PCID2: variants seen among roughly 807,000 people sequenced by gnomAD.
PCID2 encodes PCI domain containing 2.
In PCID2, 41 loss-of-function variants were observed where a neutral mutation model predicts 61.3. The observed-to-expected ratio is 0.67, with a 90% CI of 0.52 to 0.87. PCID2 has a LOEUF of 0.87. PCID2 is among the 40% of genes least tolerant of loss of function. The pLI, the probability that PCID2 is intolerant of heterozygous loss-of-function variation, is 0.00. For missense variants in PCID2, 392 were observed against 493.4 expected (o/e 0.79, Z 1.95); for synonymous variants, 187 against 177.8 (o/e 1.05, Z -0.41).
At chr13:113,170,834 A>G in the PCID2 span, among the ~76,000 whole-genome samples, 1 of 151,984 alleles carries the variant, frequency 6.6e-6, no homozygotes, top group African/African-American at 2.4e-5. Context: ...ATAATTGGCT[A>G]AAAATCGGAA....
intron 13 of PCID2, among the ~76,000 whole-genome samples, chr13:113,178,738 G>A (rs1370597411): frequency 6.6e-6 from 1 of 152,178 alleles, no homozygotes; most frequent in African/African-American, 2.4e-5. Context: ...AGAATCGACA[G>A]ATACCGAGGG....
chr13:113,171,482 T>A, the PCID2 span: 1 of 1,372,252 alleles, frequency 7.3e-7, no homozygotes, highest in Non-Finnish European at 1.0e-6. This position sits in a 1 kb window ranked among gnomAD's most constrained non-coding sequence, Gnocchi z 5.1. Context: ...AGCCTGCGGG[T>A]CCTCCAGGGC....
Position 113,198,238 on chromosome 13 carries a change from T to C in PCID2, c.153A>G (p.Gln51=), listed in dbSNP as rs149143185. Residue 51 remains glutamine, a synonymous_variant, in exon 3 of 14, where the codon CAA becomes CAG. Coordinates refer to ENST00000337344, the MANE Select transcript of PCID2 (RefSeq NM_001127202.4). Reference sequence around the variant, plus strand: ...CATCATAAGGGGGTTCCAAGACTTGTTGACACTTCTCCTCTGGAGAGGCCA... The same window carrying C: ...CATCATAAGGGGGTTCCAAGACTTGCTGACACTTCTCCTCTGGAGAGGCCA... ...LQMASPEEKC[Q]QVLEPPYDEM... 3,677 of 1,609,558 alleles carry C rather than the reference T, an allele frequency of 2.3e-3. 22 individuals are homozygous for C. Among genetic ancestry groups the C allele is most frequent in the South Asian group, 8.7e-3 (780 of 89,846 alleles).
chr13:113,199,415 C>T (rs1450028461), intron 2 of PCID2, among the ~76,000 whole-genome samples: 2 of 152,198 alleles, frequency 1.3e-5, no homozygotes, highest in Non-Finnish European at 2.9e-5. Flanking sequence ...GGATTATAAG[C>T]ACACTGCGTT....
At chr13:113,205,891 T>C (rs369729408) in intron 1 of PCID2, among the ~76,000 whole-genome samples, 1 of 152,246 alleles carries the variant, frequency 6.6e-6, no homozygotes, top group South Asian at 2.1e-4. Context: ...TGGTGATGGT[T>C]GTGCAATATT....
chr13:113,173,638 G>A (rs549460418), downstream of PCID2, among the ~76,000 whole-genome samples: 18 of 152,188 alleles, frequency 1.2e-4, no homozygotes, highest in South Asian at 3.5e-3. Context: ...AGATGAAATG[G>A]CCCATTTCTC....
the PCID2 span, among the ~76,000 whole-genome samples, chr13:113,167,621 T>G: frequency 6.6e-6 from 1 of 152,238 alleles, no homozygotes; most frequent in Non-Finnish European, 1.5e-5. Context: ...TGACTTATCT[T>G]TTTCCAATCT....
the PCID2 span, among the ~76,000 whole-genome samples, chr13:113,167,617 A>T: frequency 4.6e-5 from 7 of 152,182 alleles, no homozygotes; most frequent in Admixed American, 4.6e-4. Context: ...AGCATGACTT[A>T]TCTTTTTCCA....
intron 7 of PCID2, chr13:113,187,689 T>G (rs187726861): frequency 1.3e-5 from 2 of 152,224 alleles, no homozygotes; most frequent in African/African-American, 4.8e-5. Context: ...TTTAAAGAAT[T>G]TGAATTGGAT....
intron 1 of PCID2, among the ~76,000 whole-genome samples, chr13:113,203,090 C>T (rs895001182): frequency 2.0e-5 from 3 of 152,184 alleles, no homozygotes; most frequent in Non-Finnish European, 2.9e-5. Flanking sequence ...GTGGGTAGGG[C>T]GGTGTCGCCG....
At chr13:113,205,098 AC>A (rs2039710004) in intron 1 of PCID2, among the ~76,000 whole-genome samples, 1 of 152,214 alleles carries the variant, frequency 6.6e-6, no homozygotes, top group African/African-American at 2.4e-5. Context: ...CAGGTCATGA[AC>A]CTCTGAAGTC....
the PCID2 span, among the ~76,000 whole-genome samples, chr13:113,168,946 C>G: frequency 6.6e-6 from 1 of 152,134 alleles, no homozygotes; most frequent in Non-Finnish European, 1.5e-5. Flanking sequence ...TCAGGCTGGT[C>G]TCAAACTCCT....
intron 1 of PCID2, among the ~76,000 whole-genome samples, chr13:113,203,193 CT>C (rs2039559264): frequency 6.6e-6 from 1 of 152,222 alleles, no homozygotes; most frequent in African/African-American, 2.4e-5. Context: ...TAAGCAGGAA[CT>C]TAACTTTATC....
chr13:113,165,122 T>C, the PCID2 span: 1 of 1,610,818 alleles, frequency 6.2e-7, no homozygotes, highest in Non-Finnish European at 8.5e-7. Flanking sequence ...CCGTGGCAGG[T>C]AACAGAGCGC....
At chr13:113,206,539 G>C (rs774970931) in intron 1 of PCID2, among the ~76,000 whole-genome samples, 4 of 152,236 alleles carry the variant, frequency 2.6e-5, no homozygotes, top group Non-Finnish European at 5.9e-5. Context: ...TAGCTTTGAT[G>C]AATGTGCAAA....
At chr13:113,183,819 G>A in intron 9 of PCID2, 8 of 984,622 alleles carry the variant, frequency 8.1e-6, no homozygotes, top group Non-Finnish European at 9.6e-6. Flanking sequence ...GTCAGGTGTG[G>A]CAGCGACACG....
At chr13:113,207,967 G>T in intron 1 of PCID2, 2 of 1,448,832 alleles carry the variant, frequency 1.4e-6, no homozygotes, top group Non-Finnish European at 1.9e-6. Context: ...TTAGTGGAAA[G>T]AATATGCGTT....
chr13:113,176,676 T>C (rs543724524), downstream of PCID2, among the ~76,000 whole-genome samples: 88 of 152,138 alleles, frequency 5.8e-4, no homozygotes, highest in African/African-American at 2.1e-3. Context: ...GGAGGGAAGA[T>C]CACTTGAGTC....
rs958594312 is a variant in PCID2 at position 113,179,328 on chromosome 13, G to GT, written c.987-240dup. On this transcript the variant is annotated intron_variant, in intron 12 of 13. Transcript: ENST00000337344. The surrounding 1 kb of genome is among the most constrained non-coding windows in gnomAD (Gnocchi z 4.3). The stretch of plus-strand genomic sequence containing the variant: ...TTTCTAAGTATTTCATTAAGGTTCG[G>GT]TTTTTTTTTTCACATTTTAATCTCC... 7.3e-4 allele frequency among the ~76,000 whole-genome samples: 109 copies of GT among 148,724 alleles called. No homozygotes were observed. Among genetic ancestry groups the GT allele is most frequent in the African/African-American group, 1.5e-3 (61 of 40,560 alleles).
Sources: gnomAD v4.1 joint callset for allele counts (sites outside exome capture counted in the v4.1 genomes callset) on GRCh38, gnomAD v4.1.1 for gene constraint, Gnocchi (gnomAD v3.1) non-coding constraint, MANE v1.5 for transcripts, NCBI Gene and HGNC (gene_info 2026-07-23, HGNC 2026-07-21) for gene names.